Variants in SHC3 observed in about 807,000 individuals in gnomAD.
SHC3 encodes the protein SHC-transforming protein 3.
SHC3 carries 15 observed loss-of-function variants against 60.4 expected under a neutral mutation model. The ratio of observed to expected loss-of-function variants is 0.25; its 90% CI spans 0.17 to 0.38. The LOEUF is 0.38. Ranked by LOEUF, SHC3 falls within the 10% of genes least tolerant of loss-of-function variation. SHC3 has a pLI of 1.00. For synonymous variants in SHC3, 294 were observed against 325.9 expected (o/e 0.90, Z 1.05); for missense variants, 677 against 786.1 (o/e 0.86, Z 1.66).
intron 11 of SHC3, among the ~76,000 whole-genome samples, chr9:89,026,785 A>T (rs1826313396): frequency 6.6e-6 from 1 of 152,176 alleles, no homozygotes; most frequent in Admixed American, 6.5e-5. Flanking sequence ...TTTCCACCTG[A>T]GGAGTGAGCC....
intron 2 of SHC3, among the ~76,000 whole-genome samples, chr9:89,099,956 T>C (rs1825758941): frequency 1.3e-5 from 2 of 152,230 alleles, no homozygotes; most frequent in South Asian, 4.1e-4. Flanking sequence ...TTCTCTGAAT[T>C]TCATGCCTGA....
At chr9:89,117,501 T>C (rs1242409785) in intron 1 of SHC3, among the ~76,000 whole-genome samples, 2 of 152,224 alleles carry the variant, frequency 1.3e-5, no homozygotes, top group Non-Finnish European at 2.9e-5. Flanking sequence ...TATCTTTTTC[T>C]TTTAGATTAA....
At chr9:89,108,638 G>A (rs116417919) in intron 2 of SHC3, among the ~76,000 whole-genome samples, 1 of 152,138 alleles carries the variant, frequency 6.6e-6, no homozygotes, top group Admixed American at 6.6e-5. Context: ...TTACGGATAA[G>A]ATTTCTTATC....
chr9:89,066,014 T>C (rs1363679582), intron 5 of SHC3, among the ~76,000 whole-genome samples: 1 of 152,226 alleles, frequency 6.6e-6, no homozygotes, highest in Non-Finnish European at 1.5e-5. Context: ...ATGTGAGGCC[T>C]GTGCATTCGT....
rs766250215 is a variant in SHC3, at chr9:89,046,887, T to A, written c.1070A>T (p.Asp357Val). 5 of 1,610,364 alleles carry A rather than the reference T, an allele frequency of 3.1e-6. No homozygotes were observed. In the South Asian group the frequency reaches 4.5e-5, roughly 14 times the overall value. The change falls in exon 8 of 12, where the codon GAT (aspartate) becomes GTT (valine). Residue 357 changes from aspartate (D) to valine (V), a missense_variant. Coordinates refer to ENST00000375835, the MANE Select transcript of SHC3 (RefSeq NM_016848.6). The stretch of plus-strand genomic sequence containing the variant: ...ATGGGGTCTGGGTTTCAGTCTAGTA[T>A]CAAGAAAGCCCCCTGGAGGAGGCAT... ...SKMPPPGGFL[D>V]TRLKPRPHAP... is the part of the protein sequence containing the mutation.
At chr9:89,024,032 T>G (rs770706143) in intron 11 of SHC3, among the ~76,000 whole-genome samples, 16 of 152,154 alleles carry the variant, frequency 1.1e-4, no homozygotes, top group Non-Finnish European at 2.1e-4. Flanking sequence ...GCTGCTAGAT[T>G]AATGGCTGGC....
chr9:89,144,078 G>A (rs1346352615), intron 1 of SHC3, among the ~76,000 whole-genome samples: 2 of 152,138 alleles, frequency 1.3e-5, no homozygotes, highest in African/African-American at 4.8e-5. Flanking sequence ...GAAAGAGAAA[G>A]TATAGCTTGA....
At chr9:89,019,466 A>G (rs1240226056) in intron 11 of SHC3, among the ~76,000 whole-genome samples, 1 of 152,188 alleles carries the variant, frequency 6.6e-6, no homozygotes, top group Non-Finnish European at 1.5e-5. Flanking sequence ...TAAAAAATGA[A>G]ACTGCCTTTG....
chr9:89,055,544 G>A (rs1480665794), intron 6 of SHC3, among the ~76,000 whole-genome samples: 5 of 152,224 alleles, frequency 3.3e-5, no homozygotes, highest in Non-Finnish European at 7.3e-5. Flanking sequence ...AGTGGCCCAG[G>A]CTGGTTTGAT....
In SHC3 at chr9:89,007,961, A is replaced by C. The variant is rs1188263266; in HGVS notation, c.*5486T>G. 6.6e-6 allele frequency: 1 copy of C among 152,266 alleles called. No individual in the cohort carries two copies. Among genetic ancestry groups the C allele is most frequent in the African/African-American group, 2.4e-5 (1 of 41,448 alleles). The allele number at this position is 152,266 out of a possible 1,614,324, so 9.4% of individuals were successfully genotyped here. ...GTTTGACTTCCTACTTAGCTGTAAA[A>C]CCAAAGCCCAGGGAGGAGTCCCAAG... On this transcript the variant is annotated 3_prime_UTR_variant, in exon 12 of 12. Coordinates refer to ENST00000375835, the MANE Select transcript of SHC3 (RefSeq NM_016848.6).
rs1364405356 is a variant in SHC3, at chr9:89,178,562, G to A, written c.-102C>T. 1.7e-6 allele frequency: 2 copies of A among 1,162,534 alleles called. No homozygotes were observed. The highest frequency in any genetic ancestry group is 2.3e-6 in the Non-Finnish European group (2 of 866,634). 72.0% of individuals were successfully genotyped at this position (1,162,534 alleles called of 1,614,324 possible). On this transcript the variant is annotated 5_prime_UTR_variant, in exon 1 of 12. Coordinates refer to ENST00000375835, the MANE Select transcript of SHC3 (RefSeq NM_016848.6). The surrounding 1 kb of genome is among the most constrained non-coding windows in gnomAD (Gnocchi z 6.9). ...CGAGCCACTGTCCCCGGAGCGGGAC[G>A]GAGAGTGGGGGCCCCGGGACAGCCT...
chr9:89,146,593 G>A (rs1826473299), intron 1 of SHC3, among the ~76,000 whole-genome samples: 1 of 152,214 alleles, frequency 6.6e-6, no homozygotes, highest in Non-Finnish European at 1.5e-5. Context: ...AGAAGGTGGG[G>A]TGAACATGGG....
intron 1 of SHC3, among the ~76,000 whole-genome samples, chr9:89,131,352 C>A (rs2118167683): frequency 6.6e-6 from 1 of 152,304 alleles, no homozygotes; most frequent in East Asian, 1.9e-4. Context: ...GTTACCATTC[C>A]TTCTGAAACT....
intron 1 of SHC3, among the ~76,000 whole-genome samples, chr9:89,124,200 G>T (rs1293925919): frequency 6.6e-6 from 1 of 152,168 alleles, no homozygotes; most frequent in East Asian, 1.9e-4. Flanking sequence ...ACAGATGCTG[G>T]CAAGGATGTG....
chr9:89,130,249 C>T (rs1826224665), intron 1 of SHC3, among the ~76,000 whole-genome samples: 1 of 152,140 alleles, frequency 6.6e-6, no homozygotes, highest in Admixed American at 6.5e-5. Context: ...AATACAGGAG[C>T]ACCTAGATTT....
At chr9:89,147,164 T>A (rs200797496) in intron 1 of SHC3, among the ~76,000 whole-genome samples, 1 of 149,498 alleles carries the variant, frequency 6.7e-6, no homozygotes, top group Non-Finnish European at 1.5e-5. Flanking sequence ...ACTGGCAAAA[T>A]AAAAAAAAAA....
At chr9:89,041,155 A>G (rs1824681422) in intron 10 of SHC3, among the ~76,000 whole-genome samples, 1 of 152,260 alleles carries the variant, frequency 6.6e-6, no homozygotes, top group South Asian at 2.1e-4. Context: ...GAGGAATATG[A>G]AAAGCAAATT....
intron 11 of SHC3, among the ~76,000 whole-genome samples, chr9:89,028,687 A>G (rs1386852669): frequency 1.4e-5 from 2 of 145,970 alleles, no homozygotes; most frequent in South Asian, 2.1e-4. Context: ...TAAAGAGATA[A>G]TCTATATCTA....
At chr9:89,038,359 A>T (rs1587688438) in intron 10 of SHC3, 71 bp from the exon 11 acceptor site, 1 of 1,366,166 alleles carries the variant, frequency 7.3e-7, no homozygotes. Flanking sequence ...AAAAAAAAAA[A>T]AATACAGTGA....
Sources: allele counts gnomAD v4.1 joint callset (sites outside exome capture counted in the v4.1 genomes callset), GRCh38; gene constraint gnomAD v4.1.1; non-coding constraint Gnocchi (gnomAD v3.1); transcripts MANE v1.5; gene names NCBI Gene and HGNC (gene_info 2026-07-23, HGNC 2026-07-21).